The following SGCD variants were observed in gnomAD, a reference collection of about 807,000 sequenced individuals.
SGCD encodes the protein sarcoglycan delta, also known as delta-sarcoglycan.
In SGCD, 18 loss-of-function variants were observed where a neutral mutation model predicts 36.6. That is an observed-to-expected ratio of 0.49 (90% confidence interval 0.34 to 0.73). SGCD has a LOEUF of 0.73. SGCD is among the 30% of genes least tolerant of loss of function. The pLI is 0.01. For missense variants in SGCD, 387 were observed against 346.7 expected (o/e 1.12, Z -0.92); for synonymous variants, 133 against 130.6 (o/e 1.02, Z -0.12).
intron 7 of SGCD, among the ~76,000 whole-genome samples, chr5:156,725,809 T>C (rs189139125): frequency 3.9e-5 from 6 of 152,366 alleles, no homozygotes; most frequent in Admixed American, 6.5e-5. Context: ...CTAACGTGTC[T>C]GCACACAATA....
chr5:156,540,307 A>AT (rs1554113888), intron 4 of SGCD, among the ~76,000 whole-genome samples: 4 of 151,740 alleles, frequency 2.6e-5, no homozygotes, highest in South Asian at 2.1e-4. Flanking sequence ...TTTGTCACTT[A>AT]TTTTTTTTAG....
Position 156,344,688 on chromosome 5 carries a change from C to T in SGCD, c.192+11C>T, listed in dbSNP as rs1394163329. 1.9e-6 allele frequency: 3 copies of T among 1,589,300 alleles called. No homozygotes were observed. Among genetic ancestry groups the T allele is most frequent in the East Asian group, 4.6e-5 (2 of 43,416 alleles). On this transcript the variant is annotated intron_variant, in intron 3 of 8. Transcript: ENST00000337851. ...ATGAACTTCACAATTGTAAGTAAAA[C>T]CATCTAGGTTTGTTTAGCTTTCTTC...
chr5:156,061,919 CTTTTTTT>C (rs757769130), intron 1 of SGCD, among the ~76,000 whole-genome samples: 807 of 71,762 alleles, frequency 0.011, 49 homozygotes, highest in East Asian at 0.022. Flanking sequence ...GGAGTTTTCA[CTTTTTTT>C]TTTTTTTTTT....
chr5:156,550,155 G>T (rs1390888703), intron 4 of SGCD, among the ~76,000 whole-genome samples: 1 of 152,166 alleles, frequency 6.6e-6, no homozygotes, highest in Non-Finnish European at 1.5e-5. Context: ...CAATCACACT[G>T]CTACCTCTGA....
chr5:156,007,822 C>A (rs113798021), intron 1 of SGCD, among the ~76,000 whole-genome samples: 55 of 152,258 alleles, frequency 3.6e-4, no homozygotes, highest in Non-Finnish European at 3.5e-4. Context: ...ATAAGGCAAA[C>A]GGGCTGGAAG....
intron 6 of SGCD, among the ~76,000 whole-genome samples, chr5:156,632,361 G>C (rs556679833): frequency 2.0e-5 from 3 of 152,142 alleles, no homozygotes; most frequent in African/African-American, 4.8e-5. Flanking sequence ...TCTAGTATCC[G>C]AAGGAAAGCT....
chr5:156,724,221 G>A (rs1755656368), intron 7 of SGCD, among the ~76,000 whole-genome samples: 1 of 152,196 alleles, frequency 6.6e-6, no homozygotes, highest in Non-Finnish European at 1.5e-5. Flanking sequence ...GGTAGGCACT[G>A]GACATTGTTG....
chr5:156,030,836 G>T (rs966927697), intron 1 of SGCD, among the ~76,000 whole-genome samples: 2 of 152,092 alleles, frequency 1.3e-5, no homozygotes, highest in Non-Finnish European at 2.9e-5. Flanking sequence ...TGCAAATAAA[G>T]GTACAAATAG....
chr5:156,602,505 T>G (rs74498065), intron 6 of SGCD, among the ~76,000 whole-genome samples: 1,836 of 152,262 alleles, frequency 0.012, 35 homozygotes, highest in East Asian at 0.048. Flanking sequence ...TGAATACAAG[T>G]GGTGAGAGTG....
At chr5:156,321,858 T>G (rs1043588218), upstream of SGCD, among the ~76,000 whole-genome samples, 1 of 152,200 alleles carries the variant, frequency 6.6e-6, no homozygotes. Context: ...TGCCTTCACA[T>G]CCACTTCTTG....
intron 3 of SGCD, among the ~76,000 whole-genome samples, chr5:156,297,448 C>G (rs950656146): frequency 6.6e-6 from 1 of 151,900 alleles, no homozygotes; most frequent in Non-Finnish European, 1.5e-5. Flanking sequence ...CCATGGAATA[C>G]TATGCAGCCA....
At chr5:156,456,218 C>A (rs1754251731) in intron 3 of SGCD, among the ~76,000 whole-genome samples, 1 of 152,088 alleles carries the variant, frequency 6.6e-6, no homozygotes, top group South Asian at 2.1e-4. Context: ...GTTTGTGGCA[C>A]TTGATAGGAA....
intron 3 of SGCD, among the ~76,000 whole-genome samples, chr5:156,355,888 C>T (rs778476221): frequency 1.3e-5 from 2 of 152,176 alleles, no homozygotes; most frequent in African/African-American, 2.4e-5. Flanking sequence ...TTGCCTGCCT[C>T]GGCCTCACAT....
chr5:155,773,962 C>T, the SGCD span, among the ~76,000 whole-genome samples: 1 of 152,016 alleles, frequency 6.6e-6, no homozygotes, highest in Non-Finnish European at 1.5e-5. Context: ...CCCCAGAGTC[C>T]ACTGTAAAAT....
chr5:156,157,694 G>A (rs894978011), intron 3 of SGCD, among the ~76,000 whole-genome samples: 1 of 151,688 alleles, frequency 6.6e-6, no homozygotes, highest in African/African-American at 2.4e-5. Context: ...GAATTATCGT[G>A]TAGCTCTGTT....
At chr5:156,162,492 A>C (rs954957999) in intron 3 of SGCD, among the ~76,000 whole-genome samples, 1 of 151,508 alleles carries the variant, frequency 6.6e-6, no homozygotes, top group Non-Finnish European at 1.5e-5. Flanking sequence ...GGACCAGGGA[A>C]CCAGGTAGGG....
At position 156,209,774 on chromosome 5, in the gene SGCD, C is replaced by T. The variant is rs77349019; in HGVS notation, c.-44+85755C>T. Among the ~76,000 whole-genome samples, 1,232 of 152,300 alleles carry T rather than the reference C, an allele frequency of 8.1e-3. 11 individuals are homozygous for T. The highest frequency in any genetic ancestry group is 0.022 in the African/African-American group (918 of 41,560). On this transcript the variant is annotated intron_variant, in intron 3 of 9. Transcript: ENST00000517913. ...GGTCTCAGCAGACCTTGTCTCAGCC[C>T]ATCATTGAAGACCCCAGTGCCAGGC...
intron 3 of SGCD, among the ~76,000 whole-genome samples, chr5:156,480,186 A>T (rs1478699776): frequency 6.6e-6 from 1 of 152,138 alleles, no homozygotes; most frequent in Non-Finnish European, 1.5e-5. Context: ...AGTATGTTCA[A>T]CTCTACCTAA....
chr5:156,590,237 C>T (rs1414548242), intron 5 of SGCD, among the ~76,000 whole-genome samples: 1 of 152,098 alleles, frequency 6.6e-6, no homozygotes, highest in Admixed American at 6.6e-5. Flanking sequence ...CACTAATAAG[C>T]CATGGGGAAA....
Sources: gnomAD v4.1 joint callset for allele counts (sites outside exome capture counted in the v4.1 genomes callset) on GRCh38, gnomAD v4.1.1 for gene constraint, MANE v1.5 for transcripts, NCBI Gene and HGNC (gene_info 2026-07-23, HGNC 2026-07-21) for gene names.